SSH1: variants seen among roughly 807,000 people sequenced by gnomAD.
The protein encoded by SSH1 is protein phosphatase Slingshot homolog 1.
A neutral mutation model predicts 79.7 loss-of-function variants in SSH1; 43 were observed. That is an observed-to-expected ratio of 0.54 (90% confidence interval 0.42 to 0.70). SSH1 has a LOEUF of 0.70. Ranked by LOEUF, SSH1 falls within the 30% of genes least tolerant of loss-of-function variation. The probability of loss-of-function intolerance (pLI) is 0.00; values close to 1 mark genes in which losing one functional copy is unlikely to be tolerated. For missense variants in SSH1, 1,206 were observed against 1,358.8 expected (o/e 0.89, Z 1.77); for synonymous variants, 599 against 538.3 (o/e 1.11, Z -1.56).
intron 2 of SSH1, among the ~76,000 whole-genome samples, chr12:108,846,647 C>T (rs1414465668): frequency 6.6e-6 from 1 of 152,242 alleles, no homozygotes; most frequent in Non-Finnish European, 1.5e-5. Context: ...GAAATACTGT[C>T]TGAGTTACAA....
chr12:108,832,785 G>A (rs2038506007), intron 2 of SSH1, among the ~76,000 whole-genome samples: 2 of 152,130 alleles, frequency 1.3e-5, no homozygotes, highest in Non-Finnish European at 2.9e-5. Context: ...GCAGGGCCTC[G>A]TTCCAAATGT....
In SSH1 at chr12:108,809,702, T is replaced by C; in HGVS notation, c.527A>G (p.Gln176Arg). ...CTAAAACCACACTTACCACATGGCC[T>C]GGACAGACACAGGCTTAAATATGTG... The part of the protein sequence containing the change: ...RMHIFKPVSV[Q>R]AMWSALQVLH... The change falls in exon 7 of 15, where the codon CAG becomes CGG. Residue 176 changes from glutamine (Q) to arginine (R), a missense_variant. Gln to Arg is a conservative substitution (Grantham distance 43). This residue lies in a region of SSH1 where 115 missense variants were observed against 173.9 expected (regional missense o/e 0.66). Transcript: ENST00000326495. 1.2e-6 allele frequency: 2 copies of C among 1,613,938 alleles called. No homozygotes were observed. The highest frequency in any genetic ancestry group is 1.1e-5 in the South Asian group (1 of 91,076).
chr12:108,806,183 T>A (rs1046920380), intron 9 of SSH1, 118 bp downstream of exon 9: 5 of 971,124 alleles, frequency 5.1e-6, no homozygotes, highest in Non-Finnish European at 6.7e-6. Context: ...CGGGGGCTGA[T>A]ACCAGAGGAC....
At chr12:108,792,063 G>C (rs918466621) in intron 14 of SSH1, 11 of 1,444,756 alleles carry the variant, frequency 7.6e-6, no homozygotes, top group Non-Finnish European at 1.0e-5. Context: ...TTCTCAATTT[G>C]CTATATAAGG....
rs1383879621 is a variant in SSH1 at position 108,817,042 on chromosome 12, C to T, written c.397G>A (p.Glu133Lys). 1.9e-6 allele frequency: 3 copies of T among 1,614,038 alleles called. No homozygotes were observed. The highest frequency in any genetic ancestry group is 2.5e-6 in the Non-Finnish European group (3 of 1,179,916). ...ILLGVDFSSK[E>K]SKSCTIGMVL... The stretch of plus-strand genomic sequence containing the variant: ...CACCTAGCCCATCAGACTCACCTTT[C>T]CTTACTGGAAAAGTCCACTCCCAGC... The change falls in exon 5 of 15, where the codon GAA becomes AAA. Residue 133 changes from glutamate to lysine, a missense_variant. Glu to Lys is a moderately conservative substitution (Grantham distance 56, BLOSUM62 1). Coordinates refer to ENST00000326495, the MANE Select transcript of SSH1 (RefSeq NM_018984.4).
intron 2 of SSH1, among the ~76,000 whole-genome samples, chr12:108,831,725 T>C (rs1346527263): frequency 1.3e-5 from 2 of 152,218 alleles, no homozygotes; most frequent in South Asian, 2.1e-4. Context: ...TGTACCTTAT[T>C]GTGAACCCAG....
intron 5 of SSH1, among the ~76,000 whole-genome samples, chr12:108,812,118 C>G (rs1371006855): frequency 1.3e-5 from 2 of 152,162 alleles, no homozygotes; most frequent in East Asian, 3.9e-4. Flanking sequence ...TCTTCTCAAC[C>G]CCATGCTTCT....
chr12:108,819,998 G>C (rs567828146), intron 3 of SSH1, among the ~76,000 whole-genome samples: 2 of 152,214 alleles, frequency 1.3e-5, no homozygotes, highest in African/African-American at 4.8e-5. Flanking sequence ...TTAGAAATTT[G>C]TGCCTCTAGC....
chr12:108,841,838 G>A (rs888856172), intron 2 of SSH1, among the ~76,000 whole-genome samples: 1 of 92,066 alleles, frequency 1.1e-5, no homozygotes, highest in Non-Finnish European at 1.9e-5. Flanking sequence ...ATATGTGTGT[G>A]TGTGTATATA....
At chr12:108,841,937 A>C (rs2038789005) in intron 2 of SSH1, among the ~76,000 whole-genome samples, 1 of 152,056 alleles carries the variant, frequency 6.6e-6, no homozygotes, top group African/African-American at 2.4e-5. Flanking sequence ...TGAGTCCAGG[A>C]GTTCAAGATC....
Position 108,792,597 on chromosome 12 carries a change from T to G in SSH1, c.1582A>C (p.Ser528Arg). ...LLPSPEDETG[S>R]LVHLEDPERE... is the part of the protein sequence containing the mutation. ...TCCGGATCCTCCAGGTGGACCAAGCTGCCAGTTTCATCCTCAGGGGAAGGC... is the reference window on the plus strand; with the variant it reads ...TCCGGATCCTCCAGGTGGACCAAGCGGCCAGTTTCATCCTCAGGGGAAGGC... Residue 528 changes from serine (S) to arginine (R), a missense_variant, in exon 14 of 15, where the codon AGC becomes CGC. Around this residue, in one of 5 missense-constraint regions of SSH1, gnomAD observed 709 missense variants for 730.6 expected, o/e 0.97. Transcript: ENST00000326495. The G allele has an allele frequency of 6.2e-7, 1 of 1,612,590 alleles. No homozygotes were observed. The highest frequency in any genetic ancestry group is 8.5e-7 in the Non-Finnish European group (1 of 1,179,054).
At chr12:108,804,796 T>C (rs553475542) in intron 10 of SSH1, among the ~76,000 whole-genome samples, 3 of 152,282 alleles carry the variant, frequency 2.0e-5, no homozygotes, top group South Asian at 4.1e-4. Flanking sequence ...CACATGCCAG[T>C]TGACTACGCC....
At position 108,780,670 on chromosome 12, in the gene SSH1, GA is replaced by G. The variant is rs1211815451; in HGVS notation, c.*7317del. ...CAACCTTGCCAGAGAACAGTGTCTTGAACCATGACCCTCAGTGATTTGTTTT... is the reference window on the plus strand; with the variant it reads ...CAACCTTGCCAGAGAACAGTGTCTTGACCATGACCCTCAGTGATTTGTTTT... On this transcript the variant is annotated 3_prime_UTR_variant, in exon 15 of 15. Transcript: ENST00000326495. 6.6e-6 allele frequency: 1 copy of G among 152,170 alleles called. No homozygotes were observed. Among genetic ancestry groups the G allele is most frequent in the African/African-American group, 2.4e-5 (1 of 41,440 alleles). The allele number at this position is 152,170 out of a possible 1,614,324, so 9.4% of individuals were successfully genotyped here.
chr12:108,793,288 C>T (rs568224250), intron 13 of SSH1, among the ~76,000 whole-genome samples: 6 of 152,276 alleles, frequency 3.9e-5, no homozygotes, highest in East Asian at 3.9e-4. Flanking sequence ...ACACACATAA[C>T]GCACTGCAAT....
At position 108,792,390 on chromosome 12, in the gene SSH1, C is replaced by T; in HGVS notation, c.1789G>A (p.Gly597Arg). 3 of 1,614,208 alleles carry T rather than the reference C, an allele frequency of 1.9e-6. No homozygotes were observed. The highest frequency in any genetic ancestry group is 2.5e-6 in the Non-Finnish European group (3 of 1,180,036). Residue 597 changes from glycine (G) to arginine (R), a missense_variant, in exon 14 of 15, where the codon GGA becomes AGA. Physicochemically the swap from Gly to Arg is moderately radical, Grantham distance 125. Transcript: ENST00000326495. ...GGAAGCTGCCCCCACCTCCCTGCTC[C>T]CAGGCCCTCCTCCCTTTCCGTCTCC... is the stretch of plus-strand genomic sequence containing the variant. ...VEETEREEGLGAGRWGQLPTQ... is the reference protein window; with the variant it reads ...VEETEREEGLRAGRWGQLPTQ...
chr12:108,792,682 G>C lies in SSH1; in HGVS notation c.1497C>G (p.Ala499=), dbSNP rs774195981. 2 of 1,612,646 alleles carry C rather than the reference G, an allele frequency of 1.2e-6. No individual in the cohort carries two copies. Among genetic ancestry groups the C allele is most frequent in the Non-Finnish European group, 1.7e-6 (2 of 1,180,018 alleles). Residue 499 remains alanine, a synonymous_variant, in exon 14 of 15, where the codon GCC becomes GCG. Coordinates refer to ENST00000326495, the MANE Select transcript of SSH1 (RefSeq NM_018984.4). ...ESQLPFLDDA[A]QPGLGPPLPC... Reference sequence around the variant, plus strand: ...GGAGGGGGGGCCCTAAGCCGGGCTGGGCGGCATCATCCAAGAAGGGCAGCT... The same window carrying C: ...GGAGGGGGGGCCCTAAGCCGGGCTGCGCGGCATCATCCAAGAAGGGCAGCT...
Position 108,788,752 on chromosome 12 carries a change from C to A in SSH1, c.2386G>T (p.Glu796Ter), listed in dbSNP as rs1233937373. 19 of 1,614,152 alleles carry A rather than the reference C, an allele frequency of 1.2e-5. No individual in the cohort carries two copies. Among genetic ancestry groups the A allele is most frequent in the Non-Finnish European group, 1.4e-5 (17 of 1,180,056 alleles). ...CTGTTGGTTGTCGGCTTCTCAGATT[C>A]ATTACTGAACAGAAGCCTCAGGTCC... is the stretch of plus-strand genomic sequence containing the variant. ...AKDLRLLFSN[E>*]SEKPTTNSYL... is the part of the protein sequence containing the mutation. Residue 796 changes from glutamate (E) to a stop codon, truncating the protein, a stop_gained, in exon 15 of 15, where the codon GAA becomes TAA. Coordinates refer to ENST00000326495, the MANE Select transcript of SSH1 (RefSeq NM_018984.4). LOFTEE classifies it low-confidence loss of function (END_TRUNC).
In SSH1 at chr12:108,789,062, G is replaced by C; in HGVS notation, c.2076C>G (p.Ala692=). 1 of 1,611,280 alleles carries C rather than the reference G, an allele frequency of 6.2e-7. No individual in the cohort carries two copies. Among genetic ancestry groups the C allele is most frequent in the Non-Finnish European group, 8.5e-7 (1 of 1,177,876 alleles). Reference sequence around the variant, plus strand: ...GAACACGGGACCTGCTGGCCAAGTGGGCCACAGGGGAGGACGTGATGTGGG... The same window carrying C: ...GAACACGGGACCTGCTGGCCAAGTGCGCCACAGGGGAGGACGTGATGTGGG... The part of the protein sequence containing the change: ...FLPHITSSPV[A]HLASRSRVPE... The change falls in exon 15 of 15, where the codon GCC becomes GCG. Residue 692 remains alanine, a synonymous_variant. Coordinates refer to ENST00000326495, the MANE Select transcript of SSH1 (RefSeq NM_018984.4).
chr12:108,780,520 C>A lies in SSH1; in HGVS notation c.*7468G>T, dbSNP rs2036135419. ...TGAGCCTACTCAGTTGCATCATATT[C>A]TTATTTTGATGGTTTCTAAACTTGG... On this transcript the variant is annotated 3_prime_UTR_variant, in exon 15 of 15. Transcript: ENST00000326495. 6.6e-6 allele frequency: 1 copy of A among 152,170 alleles called. No individual in the cohort carries two copies. Among genetic ancestry groups the A allele is most frequent in the African/African-American group, 2.4e-5 (1 of 41,432 alleles). 9.4% of individuals were successfully genotyped at this position (152,170 alleles called of 1,614,324 possible).
Sources: gnomAD v4.1 joint callset for allele counts (sites outside exome capture counted in the v4.1 genomes callset) on GRCh38, gnomAD v4.1.1 for gene constraint, gnomAD v4.1.1 regional missense constraint, MANE v1.5 for transcripts, NCBI Gene and HGNC (gene_info 2026-07-23, HGNC 2026-07-21) for gene names.